ATP6V1E2: variants seen among roughly 807,000 people sequenced by gnomAD.
ATP6V1E2 encodes the protein ATPase H+ transporting V1 subunit E2.
For missense variants in ATP6V1E2, 308 were observed against 273.3 expected, an observed-to-expected ratio of 1.13 and a Z score of -0.90; for synonymous variants, 121 against 104.2, an observed-to-expected ratio of 1.16 and a Z score of -0.98.
At chr2:46,528,286 C>G (rs1667025412) in intron 4 of ATP6V1E2, among the ~76,000 whole-genome samples, 1 of 152,178 alleles carries the variant, frequency 6.6e-6, no homozygotes, top group African/African-American at 2.4e-5. Flanking sequence ...TAAATTCACC[C>G]TTCTTAGAAA....
rs1434947572 is a variant in ATP6V1E2 at position 46,542,202 on chromosome 2, T to A, written c.-374+15A>T. 2 of 151,822 alleles carry A rather than the reference T, an allele frequency of 1.3e-5. No homozygotes were observed. Among genetic ancestry groups the A allele is most frequent in the Non-Finnish European group, 2.9e-5 (2 of 67,954 alleles). 9.4% of individuals were successfully genotyped at this position (151,822 alleles called of 1,614,324 possible). A position where few individuals can be genotyped will look rare whatever the true frequency, so the allele number is the denominator to read the frequency against. On this transcript the variant is annotated intron_variant, in intron 1 of 4. Coordinates refer to ENST00000522587, the MANE Select transcript of ATP6V1E2 (RefSeq NM_001318063.2). Reference sequence around the variant, plus strand: ...CCACCCCACGCGCCTTAAATTTTTTTTTTTTTTTTTTTACCCTTTTGGTCT... The same window carrying A: ...CCACCCCACGCGCCTTAAATTTTTTATTTTTTTTTTTTACCCTTTTGGTCT...
chr2:46,538,899 G>A (rs984135009), intron 2 of ATP6V1E2, among the ~76,000 whole-genome samples: 2 of 152,112 alleles, frequency 1.3e-5, no homozygotes, highest in Non-Finnish European at 2.9e-5. Context: ...AGCCTGGGAG[G>A]TTGAGGCTAT....
intron 2 of ATP6V1E2, among the ~76,000 whole-genome samples, chr2:46,539,548 T>C (rs1016825638): frequency 1.3e-5 from 2 of 152,264 alleles, no homozygotes; most frequent in African/African-American, 4.8e-5. Context: ...CCTTTGGCCT[T>C]TGTACAGTGG....
chr2:46,520,179 G>A (rs2103855963), intron 4 of ATP6V1E2, among the ~76,000 whole-genome samples: 1 of 152,316 alleles, frequency 6.6e-6, no homozygotes. Context: ...GGACATGAAG[G>A]CAGCTGCAGG....
chr2:46,540,791 C>T (rs1667716428), intron 2 of ATP6V1E2, among the ~76,000 whole-genome samples: 1 of 152,006 alleles, frequency 6.6e-6, no homozygotes, highest in African/African-American at 2.4e-5. Flanking sequence ...GTGGGATCAG[C>T]TCCAGAGCTC....
chr2:46,524,686 G>A (rs547878080), intron 4 of ATP6V1E2, among the ~76,000 whole-genome samples: 3 of 152,298 alleles, frequency 2.0e-5, no homozygotes, highest in Non-Finnish European at 2.9e-5. Flanking sequence ...AAGGATGGGC[G>A]CTGAGAGATG....
In ATP6V1E2 at chr2:46,535,642, T is replaced by C. The variant is rs1667408361; in HGVS notation, c.-102+171A>G. Reference sequence around the variant, plus strand: ...CTGCCTGCCCTGATGTGCCACTTCCTGGGTCAGGAACTGAACTGTGTACCC... The same window carrying C: ...CTGCCTGCCCTGATGTGCCACTTCCCGGGTCAGGAACTGAACTGTGTACCC... On this transcript the variant is annotated intron_variant, in intron 4 of 4. Transcript: ENST00000522587. The surrounding 1 kb of genome is among the most constrained non-coding windows in gnomAD (Gnocchi z 4.4). 6.6e-6 allele frequency: 1 copy of C among 152,286 alleles called. No homozygotes were observed. The highest frequency in any genetic ancestry group is 1.5e-5 in the Non-Finnish European group (1 of 68,090). The allele number at this position is 152,286 out of a possible 1,614,324, so 9.4% of individuals were successfully genotyped here.
chr2:46,512,000 T>C lies in ATP6V1E2; in HGVS notation c.*31A>G, dbSNP rs1253263675. The stretch of plus-strand genomic sequence containing the variant: ...AAAAACTTAAACTTTTATGGTTTAG[T>C]GGTTCAACACTAGCTTCACTTCCCA... On this transcript the variant is annotated 3_prime_UTR_variant, in exon 5 of 5. Coordinates refer to ENST00000522587, the MANE Select transcript of ATP6V1E2 (RefSeq NM_001318063.2). The C allele has an allele frequency of 1.3e-6, 2 of 1,526,740 alleles. No individual in the cohort carries two copies. Among genetic ancestry groups the C allele is most frequent in the African/African-American group, 1.4e-5 (1 of 71,846 alleles). The allele number at this position is 1,526,740 out of a possible 1,614,324, so 94.6% of individuals were successfully genotyped here.
At chr2:46,519,413 C>T (rs1019421426) in intron 4 of ATP6V1E2, 1 of 152,236 alleles carries the variant, frequency 6.6e-6, no homozygotes, top group African/African-American at 2.4e-5. Context: ...AAGCAAAATT[C>T]ACCAGATGGT....
intron 4 of ATP6V1E2, among the ~76,000 whole-genome samples, chr2:46,531,830 T>G (rs376459202): frequency 1.3e-5 from 2 of 152,216 alleles, no homozygotes; most frequent in South Asian, 2.1e-4. Flanking sequence ...GATTTATATC[T>G]TGTTTGGAGA....
chr2:46,512,948 T>C (rs1687542791), intron 4 of ATP6V1E2, 136 bp from the exon 5 acceptor site: 4 of 470,560 alleles, frequency 8.5e-6, no homozygotes, highest in South Asian at 3.0e-5. Flanking sequence ...TCTAAGGTTA[T>C]ACTCTAGAAG....
At chr2:46,532,326 T>A (rs1006412124) in intron 4 of ATP6V1E2, among the ~76,000 whole-genome samples, 8 of 78,686 alleles carry the variant, frequency 1.0e-4, no homozygotes, top group African/African-American at 3.3e-4. Flanking sequence ...CCTTTTTGAT[T>A]TTTTTTTTTT....
intron 4 of ATP6V1E2, among the ~76,000 whole-genome samples, chr2:46,523,562 T>C (rs541775281): frequency 4.6e-5 from 7 of 152,270 alleles, no homozygotes; most frequent in Middle Eastern, 3.4e-3. Flanking sequence ...GCGATGTTAT[T>C]TCTGAGGTCT....
At position 46,541,389 on chromosome 2, in the gene ATP6V1E2, C is replaced by G. The variant is rs1198442643; in HGVS notation, c.-310+1G>C. On this transcript the variant is annotated splice_donor_variant, in intron 2 of 4. Coordinates refer to ENST00000522587, the MANE Select transcript of ATP6V1E2 (RefSeq NM_001318063.2). LOFTEE classifies it low-confidence loss of function (5UTR_SPLICE). ...TCAATGAGAATCTGCAAGGAACTTA[C>G]AGTGATTTCCGAAGACTTCCTGGGA... 1 of 152,218 alleles carries G rather than the reference C, an allele frequency of 6.6e-6. No individual in the cohort carries two copies. Among genetic ancestry groups the G allele is most frequent in the Non-Finnish European group, 1.5e-5 (1 of 68,052 alleles). The allele number at this position is 152,218 out of a possible 1,614,324, so 9.4% of individuals were successfully genotyped here.
At chr2:46,529,650 G>C (rs6733376) in intron 4 of ATP6V1E2, among the ~76,000 whole-genome samples, 1 of 152,284 alleles carries the variant, frequency 6.6e-6, no homozygotes, top group East Asian at 1.9e-4. Flanking sequence ...CAGCTACTCA[G>C]GAAGCTGAGG....
At chr2:46,522,329 C>A (rs1024411501) in intron 4 of ATP6V1E2, among the ~76,000 whole-genome samples, 1 of 151,210 alleles carries the variant, frequency 6.6e-6, no homozygotes, top group African/African-American at 2.4e-5. Flanking sequence ...GTTTGTTACA[C>A]AGGTATACGT....
At chr2:46,520,934 G>C (rs1572703210) in intron 4 of ATP6V1E2, among the ~76,000 whole-genome samples, 3 of 152,192 alleles carry the variant, frequency 2.0e-5, no homozygotes, top group East Asian at 3.9e-4. Flanking sequence ...GCAATGTCTG[G>C]CTTAATGAAT....
At chr2:46,539,792 A>G (rs1346646168) in intron 2 of ATP6V1E2, among the ~76,000 whole-genome samples, 1 of 151,816 alleles carries the variant, frequency 6.6e-6, no homozygotes, top group Non-Finnish European at 1.5e-5. Flanking sequence ...CTCCCATTAG[A>G]CTCTTAAGCC....
intron 4 of ATP6V1E2, chr2:46,534,421 C>G (rs1667340678): frequency 6.6e-6 from 1 of 152,118 alleles, no homozygotes; most frequent in Non-Finnish European, 1.5e-5. Flanking sequence ...TTTTTCTTCA[C>G]TATGTTCATG....
Sources: allele counts gnomAD v4.1 joint callset (sites outside exome capture counted in the v4.1 genomes callset), GRCh38; gene constraint gnomAD v4.1.1; non-coding constraint Gnocchi (gnomAD v3.1); transcripts MANE v1.5; gene names NCBI Gene and HGNC (gene_info 2026-07-23, HGNC 2026-07-21).